The following CRISPLD2 variants were observed in gnomAD, a reference collection of about 807,000 sequenced individuals.
CRISPLD2 encodes the protein cysteine-rich secretory protein LCCL domain-containing 2.
CRISPLD2 carries 47 observed loss-of-function variants against 71.1 expected under a neutral mutation model. The ratio of observed to expected loss-of-function variants is 0.66; its 90% CI spans 0.52 to 0.84. The LOEUF (loss-of-function observed/expected upper bound fraction) is 0.84. Among genes scored for constraint, CRISPLD2 ranks in the 40% least tolerant of loss-of-function variants. The pLI is 0.00. For synonymous variants in CRISPLD2, 317 were observed against 250.1 expected (o/e 1.27, Z -2.52); for missense variants, 830 against 651.1 (o/e 1.27, Z -2.99).
chr16:84,904,412 C>T (rs747584314), intron 14 of CRISPLD2, among the ~76,000 whole-genome samples: 8 of 151,968 alleles, frequency 5.3e-5, no homozygotes, highest in South Asian at 2.1e-4. Context: ...GGCAAAACCC[C>T]ATCTCTGCTA....
intron 6 of CRISPLD2, 38 bp downstream of exon 6, chr16:84,854,867 G>T: frequency 6.6e-7 from 1 of 1,506,992 alleles, no homozygotes; most frequent in Non-Finnish European, 9.2e-7. Context: ...CAATGAATTT[G>T]CCCTCAGTCT....
In CRISPLD2 at chr16:84,907,131, T is replaced by G. The variant is rs991755380; in HGVS notation, c.*489T>G. The G allele has an allele frequency of 5.6e-6, 1 of 177,414 alleles. No homozygotes were observed. Among genetic ancestry groups the G allele is most frequent in the African/African-American group, 2.4e-5 (1 of 41,670 alleles). 11.0% of individuals were successfully genotyped at this position (177,414 alleles called of 1,614,324 possible). ...AGTTATTTAAAAATAAAAAACACAG[T>G]CCGTCCCTACCAATAGAGGAAAATG... On this transcript the variant is annotated 3_prime_UTR_variant, in exon 15 of 15. Coordinates refer to ENST00000262424, the MANE Select transcript of CRISPLD2 (RefSeq NM_031476.4).
chr16:84,854,701 T>C (rs777639808), intron 5 of CRISPLD2, 28 bp from the exon 6 acceptor site: 2 of 1,574,918 alleles, frequency 1.3e-6, no homozygotes, highest in Non-Finnish European at 1.7e-6. Flanking sequence ...TGGTTCCCTC[T>C]GACGGTTGTT....
intron 14 of CRISPLD2, among the ~76,000 whole-genome samples, chr16:84,904,604 AT>A (rs35731751): frequency 0.01 from 1,536 of 147,682 alleles, 34 homozygotes; most frequent in African/African-American, 0.037. Flanking sequence ...AAAAAAAAAA[AT>A]TTAAAAAAAA....
chr16:84,853,019 G>A (rs1462975837), intron 5 of CRISPLD2, among the ~76,000 whole-genome samples: 1 of 152,098 alleles, frequency 6.6e-6, no homozygotes, highest in Non-Finnish European at 1.5e-5. Context: ...GTGAGCTGTG[G>A]TCACACCACT....
At chr16:84,830,079 T>C (rs1411169178) in intron 1 of CRISPLD2, among the ~76,000 whole-genome samples, 2 of 152,148 alleles carry the variant, frequency 1.3e-5, no homozygotes, top group African/African-American at 4.8e-5. Context: ...TCCCAACACT[T>C]TGGGAGGCTG....
chr16:84,905,834 C>T (rs1468284315), intron 14 of CRISPLD2, among the ~76,000 whole-genome samples: 1 of 151,682 alleles, frequency 6.6e-6, no homozygotes, highest in Non-Finnish European at 1.5e-5. Flanking sequence ...CTCAGCCTCC[C>T]GAGTAGCTGG....
At chr16:84,882,010 A>T (rs58785923) in intron 13 of CRISPLD2, among the ~76,000 whole-genome samples, 185 of 152,288 alleles carry the variant, frequency 1.2e-3, no homozygotes, top group African/African-American at 4.1e-3. Context: ...TGATTCAGCT[A>T]AAATTGAGTT....
chr16:84,874,227 G>T (rs1265073549), intron 11 of CRISPLD2, among the ~76,000 whole-genome samples: 1 of 152,154 alleles, frequency 6.6e-6, no homozygotes, highest in Non-Finnish European at 1.5e-5. Context: ...GATGCCTGGG[G>T]CTAAAGTGGC....
intron 12 of CRISPLD2, among the ~76,000 whole-genome samples, chr16:84,880,044 C>T (rs1249182560): frequency 3.3e-5 from 5 of 152,126 alleles, no homozygotes; most frequent in African/African-American, 1.2e-4. Context: ...GTTATCAGTG[C>T]CCCCGCCTTG....
chr16:84,885,570 C>T (rs1308083942), intron 13 of CRISPLD2, among the ~76,000 whole-genome samples: 1 of 152,170 alleles, frequency 6.6e-6, no homozygotes, highest in Non-Finnish European at 1.5e-5. Context: ...CCCGGGACCC[C>T]GCTTTGGGCT....
chr16:84,865,745 A>G (rs1917518893), intron 6 of CRISPLD2, among the ~76,000 whole-genome samples: 1 of 152,158 alleles, frequency 6.6e-6, no homozygotes, highest in Non-Finnish European at 1.5e-5. Context: ...GAATTTACAA[A>G]TTGGTATCCT....
intron 6 of CRISPLD2, among the ~76,000 whole-genome samples, chr16:84,863,361 C>G (rs936117658): frequency 6.6e-6 from 1 of 152,228 alleles, no homozygotes; most frequent in Non-Finnish European, 1.5e-5. Context: ...AAGCACGCAG[C>G]AAGTCTCCTC....
chr16:84,853,705 C>T (rs895418194), intron 5 of CRISPLD2, among the ~76,000 whole-genome samples: 14 of 152,360 alleles, frequency 9.2e-5, no homozygotes, highest in African/African-American at 2.6e-4. Flanking sequence ...GAGCGTTCCC[C>T]GCACAAGCCT....
intron 3 of CRISPLD2, among the ~76,000 whole-genome samples, chr16:84,847,871 T>C (rs17766576): frequency 6.6e-6 from 1 of 152,012 alleles, no homozygotes; most frequent in Non-Finnish European, 1.5e-5. Flanking sequence ...TTTTCAGTGA[T>C]ACAGTTGTCA....
chr16:84,851,181 T>G (rs1351104991), intron 5 of CRISPLD2, among the ~76,000 whole-genome samples: 1 of 152,206 alleles, frequency 6.6e-6, no homozygotes, highest in East Asian at 1.9e-4. Flanking sequence ...TCTGAAAACA[T>G]GCAGTAGACA....
chr16:84,875,547 T>TA (rs999396936), intron 11 of CRISPLD2, among the ~76,000 whole-genome samples: 38 of 151,344 alleles, frequency 2.5e-4, no homozygotes, highest in Admixed American at 2.1e-3. Context: ...TTGCTTTTTT[T>TA]ATTTTATTTT....
rs1047185248 is a variant in CRISPLD2 at position 84,907,533 on chromosome 16, C to T, written c.*891C>T. Reference sequence around the variant, plus strand: ...CCAGGACTTTTCTTTGCAAGCGAACCTGTTTGAAGCCCAAGTCTTAACTCC... The same window carrying T: ...CCAGGACTTTTCTTTGCAAGCGAACTTGTTTGAAGCCCAAGTCTTAACTCC... On this transcript the variant is annotated 3_prime_UTR_variant, in exon 15 of 15. Transcript: ENST00000262424. The T allele has an allele frequency of 6.6e-6, 1 of 152,234 alleles. No homozygotes were observed. 9.4% of individuals were successfully genotyped at this position (152,234 alleles called of 1,614,324 possible). A position where few individuals can be genotyped will look rare whatever the true frequency, so the allele number is the denominator to read the frequency against.
chr16:84,875,257 A>ATGTG (rs138882523), intron 11 of CRISPLD2, among the ~76,000 whole-genome samples: 53,394 of 148,158 alleles, frequency 0.36, 9,655 homozygotes, highest in East Asian at 0.64. Flanking sequence ...ATATATACAT[A>ATGTG]TGTGTGTGTG....
Sources: allele counts gnomAD v4.1 joint callset (sites outside exome capture counted in the v4.1 genomes callset), GRCh38; gene constraint gnomAD v4.1.1; transcripts MANE v1.5; gene names NCBI Gene and HGNC (gene_info 2026-07-23, HGNC 2026-07-21).